AP1S3: variants seen among roughly 807,000 people sequenced by gnomAD.
AP1S3 encodes adaptor related protein complex 1 subunit sigma 3.
Under a neutral mutation model 20.9 loss-of-function variants are expected in AP1S3, and 10 were observed. That is an observed-to-expected ratio of 0.48 (90% confidence interval 0.29 to 0.81). The LOEUF is 0.81. Among genes scored for constraint, AP1S3 ranks in the 30% least tolerant of loss-of-function variants. AP1S3 has a pLI of 0.08. For synonymous variants in AP1S3, 41 were observed against 61.5 expected, an observed-to-expected ratio of 0.67 and a Z score of 1.56; for missense variants, 154 against 183.8, an observed-to-expected ratio of 0.84 and a Z score of 0.94.
At chr2:223,799,333 C>G (rs6755248) in intron 1 of AP1S3, among the ~76,000 whole-genome samples, 61,339 of 151,788 alleles carry the variant, frequency 0.4, 12,554 homozygotes, top group Middle Eastern at 0.48. Flanking sequence ...TAAACCACCG[C>G]AAGCCAGGAG....
chr2:223,800,475 A>G (rs1691442055), intron 1 of AP1S3, among the ~76,000 whole-genome samples: 2 of 152,060 alleles, frequency 1.3e-5, no homozygotes, highest in African/African-American at 4.8e-5. Context: ...GGCTGCAATG[A>G]GCTATGATCA....
chr2:223,788,784 AG>A, intron 1 of AP1S3, among the ~76,000 whole-genome samples: 2 of 150,570 alleles, frequency 1.3e-5, no homozygotes, highest in Admixed American at 6.6e-5. Flanking sequence ...AAAAAAAAGA[AG>A]AAGAAGAAGA....
At chr2:223,803,464 C>CT (rs1691512407) in intron 1 of AP1S3, among the ~76,000 whole-genome samples, 1 of 152,102 alleles carries the variant, frequency 6.6e-6, no homozygotes, top group African/African-American at 2.4e-5. Context: ...CAGCATGGCA[C>CT]TTAGGATGGT....
intron 1 of AP1S3, among the ~76,000 whole-genome samples, chr2:223,800,108 G>A (rs1230306382): frequency 7.7e-6 from 1 of 130,126 alleles, no homozygotes; most frequent in African/African-American, 2.9e-5. Context: ...CCAGCTACTC[G>A]GGATGCTGAG....
At chr2:223,834,449 G>A (rs1464762291) in intron 1 of AP1S3, among the ~76,000 whole-genome samples, 1 of 151,994 alleles carries the variant, frequency 6.6e-6, no homozygotes, top group Non-Finnish European at 1.5e-5. Context: ...AATTACCTGG[G>A]CATGATGGCA....
intron 1 of AP1S3, among the ~76,000 whole-genome samples, chr2:223,810,418 C>A (rs968890432): frequency 6.6e-6 from 1 of 152,134 alleles, no homozygotes; most frequent in East Asian, 1.9e-4. Flanking sequence ...GCTCGAGCCT[C>A]CCACCTCAGC....
rs190479134 is a variant in AP1S3 at position 223,807,019 on chromosome 2, C to G, written c.4-29150G>C. Among the ~76,000 whole-genome samples the G allele has an allele frequency of 2.6e-4, 40 of 152,090 alleles. No homozygotes were observed. The East Asian group carries it at 7.5e-3, about 29-fold the overall frequency. ...CAATGGCTCACCTCTGTAATTCCAC[C>G]CTTTGGGAGGCCAAGGTGGGAGGAT... On this transcript the variant is annotated intron_variant, in intron 1 of 4. Transcript: ENST00000396654.
chr2:223,800,739 G>A (rs1691449239), intron 1 of AP1S3, among the ~76,000 whole-genome samples: 5 of 152,176 alleles, frequency 3.3e-5, no homozygotes, highest in Admixed American at 3.3e-4. Flanking sequence ...TATACTTAAT[G>A]ATGATATACT....
chr2:223,813,462 G>A (rs544781301), intron 1 of AP1S3, among the ~76,000 whole-genome samples: 25 of 152,200 alleles, frequency 1.6e-4, no homozygotes, highest in Non-Finnish European at 2.9e-4. Context: ...ACATGAGGAG[G>A]ATAACAATTA....
At chr2:223,813,326 A>ATGG (rs1691776456) in intron 1 of AP1S3, among the ~76,000 whole-genome samples, 1 of 152,054 alleles carries the variant, frequency 6.6e-6, no homozygotes, top group Non-Finnish European at 1.5e-5. Context: ...ACGCCTGGAG[A>ATGG]TGGTGTTCAG....
intron 3 of AP1S3, chr2:223,770,466 G>T: frequency 8.9e-7 from 1 of 1,128,004 alleles, no homozygotes; most frequent in South Asian, 1.6e-5. Context: ...ATAAGGGTAA[G>T]GTAAGGTGGT....
At position 223,765,237 on chromosome 2, in the gene AP1S3, A is replaced by G; in HGVS notation, c.405T>C (p.Ile135=). ...ETSKKIAVKA[I]EDSDMLQETM... ...CCTCCTGTAACATATCAGAGTCTTC[A>G]ATGGCTTTGACAGCAATTTTCTTGG... Residue 135 remains isoleucine (I), a synonymous_variant, in exon 4 of 5, where the codon ATT becomes ATC. Transcript: ENST00000396654. 6.2e-7 allele frequency: 1 copy of G among 1,614,092 alleles called. No homozygotes were observed. The highest frequency in any genetic ancestry group is 8.5e-7 in the Non-Finnish European group (1 of 1,180,022).
rs116714627 is a variant in AP1S3 at position 223,822,261 on chromosome 2, C to T, written c.3+15187G>A. Among the ~76,000 whole-genome samples, 910 of 151,896 alleles carry T rather than the reference C, an allele frequency of 6.0e-3. 10 individuals are homozygous for T. Among genetic ancestry groups the T allele is most frequent in the African/African-American group, 0.021 (859 of 41,424 alleles). ...AGAAAAAATGAGCTGGGCATGGTGT[C>T]ACGACCTGTAGTCCCAGCTACTCGG... On this transcript the variant is annotated intron_variant, in intron 1 of 4. Coordinates refer to ENST00000396654, the MANE Select transcript of AP1S3 (RefSeq NM_001039569.2).
At chr2:223,825,464 T>A (rs943266192) in intron 1 of AP1S3, among the ~76,000 whole-genome samples, 4 of 152,096 alleles carry the variant, frequency 2.6e-5, no homozygotes, top group South Asian at 2.1e-4. Context: ...ATACACACAC[T>A]GTTTTCTGAA....
At chr2:223,826,651 C>T (rs1692136154) in intron 1 of AP1S3, among the ~76,000 whole-genome samples, 1 of 151,870 alleles carries the variant, frequency 6.6e-6, no homozygotes, top group Admixed American at 6.6e-5. Flanking sequence ...CATAGAGATG[C>T]TTTTTTGTTT....
chr2:223,824,270 G>A (rs1014379188), intron 1 of AP1S3, among the ~76,000 whole-genome samples: 3 of 151,360 alleles, frequency 2.0e-5, no homozygotes, highest in African/African-American at 7.3e-5. Context: ...CCCAAAGTGC[G>A]GGGATTATAG....
intron 1 of AP1S3, among the ~76,000 whole-genome samples, chr2:223,781,123 C>A (rs1690936046): frequency 6.6e-6 from 1 of 151,960 alleles, no homozygotes; most frequent in Non-Finnish European, 1.5e-5. Context: ...TGATTTTGTT[C>A]TTTTTTATGC....
At chr2:223,828,905 C>T (rs1324234775) in intron 1 of AP1S3, among the ~76,000 whole-genome samples, 12 of 152,188 alleles carry the variant, frequency 7.9e-5, no homozygotes, top group African/African-American at 2.4e-4. Flanking sequence ...TGCAGTGGCG[C>T]GATCTCGGCT....
At chr2:223,794,945 G>C (rs1691299621) in intron 1 of AP1S3, among the ~76,000 whole-genome samples, 1 of 152,162 alleles carries the variant, frequency 6.6e-6, no homozygotes, top group Admixed American at 6.6e-5. Flanking sequence ...CAGAAGCCAA[G>C]CTGCCTTCTC....
Sources: allele counts gnomAD v4.1 joint callset (sites outside exome capture counted in the v4.1 genomes callset), GRCh38; gene constraint gnomAD v4.1.1; transcripts MANE v1.5; gene names NCBI Gene and HGNC (gene_info 2026-07-23, HGNC 2026-07-21).